Variants in CENPP observed in about 807,000 individuals in gnomAD.
The protein encoded by CENPP is centromere protein P.
Under a neutral mutation model 35.6 loss-of-function variants are expected in CENPP, and 24 were observed. The observed-to-expected ratio is 0.67, with a 90% confidence interval of 0.49 to 0.95. CENPP has a LOEUF of 0.95. Ranked by LOEUF, CENPP falls within the 40% of genes least tolerant of loss-of-function variation. CENPP has a pLI of 0.00. For synonymous variants in CENPP, 120 were observed against 125.5 expected (o/e 0.96, Z 0.29); for missense variants, 332 against 345.3 (o/e 0.96, Z 0.31).
chr9:92,366,023 T>A (rs1316284442), intron 4 of CENPP, among the ~76,000 whole-genome samples: 3 of 151,284 alleles, frequency 2.0e-5, no homozygotes, highest in Non-Finnish European at 4.4e-5. Context: ...TACTAAAAAT[T>A]CAAAAAATTA....
At chr9:92,425,544 G>A (rs770002140) in intron 5 of CENPP, among the ~76,000 whole-genome samples, 13 of 152,046 alleles carry the variant, frequency 8.6e-5, no homozygotes, top group Non-Finnish European at 1.6e-4. Context: ...ATTTTGGGGG[G>A]GAATTCTTTT....
chr9:92,446,216 T>C (rs567512376), intron 5 of CENPP, among the ~76,000 whole-genome samples: 2 of 152,336 alleles, frequency 1.3e-5, no homozygotes, highest in African/African-American at 4.8e-5. Flanking sequence ...TCTGCCTCTT[T>C]AGACCCTCTA....
chr9:92,470,058 G>A (rs1845454434), intron 5 of CENPP, among the ~76,000 whole-genome samples: 1 of 152,084 alleles, frequency 6.6e-6, no homozygotes, highest in Admixed American at 6.5e-5. Flanking sequence ...CGAACTCTTG[G>A]GCTCAAGTGA....
rs189682638 is a variant in CENPP, at chr9:92,442,656, C to G, written c.564+62797C>G. ...CGAGGTCAGATCAAGACCATCCTGG[C>G]TAAAACAATGAAACCCCGTCTCTAC... On this transcript the variant is annotated intron_variant, in intron 5 of 7. Transcript: ENST00000375587. Among the ~76,000 whole-genome samples the G allele has an allele frequency of 4.6e-3, 693 of 151,870 alleles. 12 individuals are homozygous for G. The highest frequency in any genetic ancestry group is 0.016 in the African/African-American group (660 of 41,426).
At chr9:92,376,768 C>T (rs1588071861) in intron 4 of CENPP, among the ~76,000 whole-genome samples, 1 of 152,250 alleles carries the variant, frequency 6.6e-6, no homozygotes, top group South Asian at 2.1e-4. Flanking sequence ...AGACCAGGTG[C>T]AGTGGCTCAC....
chr9:92,612,446 C>T, intron 6 of CENPP, 77 bp from the exon 7 acceptor site: 1 of 1,114,344 alleles, frequency 9.0e-7, no homozygotes. Flanking sequence ...AAATGGAGAC[C>T]AGGTGCGACT....
intron 4 of CENPP, among the ~76,000 whole-genome samples, chr9:92,373,733 A>C (rs1398474122): frequency 5.3e-5 from 8 of 152,178 alleles, no homozygotes; most frequent in African/African-American, 1.9e-4. Context: ...GGCTGAGGCA[A>C]GAGAATCACT....
At chr9:92,497,740 TG>T (rs993085172) in intron 5 of CENPP, among the ~76,000 whole-genome samples, 2 of 151,550 alleles carry the variant, frequency 1.3e-5, no homozygotes, top group African/African-American at 4.8e-5. Context: ...TGATCCCCAG[TG>T]TTGGAGGTGG....
At chr9:92,588,966 T>G (rs539543881) in intron 5 of CENPP, among the ~76,000 whole-genome samples, 16 of 152,106 alleles carry the variant, frequency 1.1e-4, no homozygotes, top group Middle Eastern at 3.4e-3. Flanking sequence ...ACTACGAAAT[T>G]TAAGGGGACA....
intron 5 of CENPP, chr9:92,389,705 G>T: frequency 1.7e-6 from 1 of 584,028 alleles, no homozygotes; most frequent in Non-Finnish European, 3.0e-6. Context: ...AGCCTAATAG[G>T]ATGGTTATTT....
At chr9:92,470,691 A>C in intron 5 of CENPP, 1 of 1,555,644 alleles carries the variant, frequency 6.4e-7, no homozygotes, top group Non-Finnish European at 8.8e-7. Context: ...GAGTCCTTTA[A>C]AATCATTTTC....
chr9:92,607,419 G>A (rs531013828), intron 5 of CENPP, among the ~76,000 whole-genome samples: 4 of 152,236 alleles, frequency 2.6e-5, no homozygotes, highest in African/African-American at 9.6e-5. Flanking sequence ...GAGGGTGGGT[G>A]TTAAGGGGAC....
At chr9:92,474,742 C>CATCATCA (rs1554766844) in intron 5 of CENPP, 9 of 1,534,634 alleles carry the variant, frequency 5.9e-6, no homozygotes, top group Admixed American at 1.8e-5. Flanking sequence ...GAGAGTTGTC[C>CATCATCA]TCATCATCAT....
chr9:92,393,923 A>G (rs1842788690), intron 5 of CENPP, among the ~76,000 whole-genome samples: 1 of 152,084 alleles, frequency 6.6e-6, no homozygotes, highest in African/African-American at 2.4e-5. Context: ...ATATCTGTTT[A>G]TCCCATTCCT....
chr9:92,341,762 CT>C (rs1222812213), intron 3 of CENPP: 5 of 152,336 alleles, frequency 3.3e-5, no homozygotes, highest in African/African-American at 1.2e-4. Context: ...CCTGCAACCC[CT>C]GCTGCTGTGG....
At chr9:92,418,993 A>T (rs1041411209) in intron 5 of CENPP, among the ~76,000 whole-genome samples, 1 of 152,190 alleles carries the variant, frequency 6.6e-6, no homozygotes, top group Non-Finnish European at 1.5e-5. Context: ...AAATATTATT[A>T]AAAACACACT....
chr9:92,536,135 C>T (rs1219917039), intron 5 of CENPP: 3 of 396,884 alleles, frequency 7.6e-6, no homozygotes, highest in Non-Finnish European at 9.5e-6. Context: ...GAAAATCAGC[C>T]AAGAAAGTAA....
At chr9:92,355,538 A>G (rs769026331) in intron 4 of CENPP, among the ~76,000 whole-genome samples, 37 of 152,190 alleles carry the variant, frequency 2.4e-4, no homozygotes, top group Non-Finnish European at 5.0e-4. Context: ...AGAGAAAATC[A>G]AACCATTTCT....
At chr9:92,557,960 A>C (rs1488533466) in intron 5 of CENPP, among the ~76,000 whole-genome samples, 5 of 152,090 alleles carry the variant, frequency 3.3e-5, no homozygotes, top group Non-Finnish European at 7.4e-5. Flanking sequence ...CGCATTTCTA[A>C]AAGTGTGTCC....
Sources: allele counts gnomAD v4.1 joint callset (sites outside exome capture counted in the v4.1 genomes callset), GRCh38; gene constraint gnomAD v4.1.1; transcripts MANE v1.5; gene names NCBI Gene and HGNC (gene_info 2026-07-23, HGNC 2026-07-21).